CCDC18: variants seen among roughly 807,000 people sequenced by gnomAD.
CCDC18 encodes coiled-coil domain-containing protein 18.
In CCDC18, 157 loss-of-function variants were observed where a neutral mutation model predicts 196.0. The ratio of observed to expected loss-of-function variants is 0.80; its 90% confidence interval spans 0.70 to 0.91. The LOEUF (loss-of-function observed/expected upper bound fraction) is 0.91, where lower values mean the gene tolerates loss of function less well. Ranked by LOEUF, CCDC18 falls within the 40% of genes least tolerant of loss-of-function variation. CCDC18 has a pLI of 0.00. For synonymous variants in CCDC18, 482 were observed against 529.2 expected (o/e 0.91, Z 1.22); for missense variants, 1,465 against 1,611.6 (o/e 0.91, Z 1.56).
Position 93,239,376 on chromosome 1 carries a change from C to T in CCDC18, c.2670C>T (p.His890=), listed in dbSNP as rs904180384. ...CTAAAATGGAAAAGGAAATAATGCACCTAAAACGAGATGGAGAAAATAAAG... is the reference window on the plus strand; with the variant it reads ...CTAAAATGGAAAAGGAAATAATGCATCTAAAACGAGATGGAGAAAATAAAG... The part of the protein sequence containing the change: ...ELSKMEKEIM[H]LKRDGENKAM... Residue 890 remains histidine, a synonymous_variant, in exon 20 of 29, where the codon CAC becomes CAT. Transcript: ENST00000690025. The T allele has an allele frequency of 5.6e-6, 9 of 1,612,866 alleles. No homozygotes were observed. The highest frequency in any genetic ancestry group is 4.0e-5 in the African/African-American group (3 of 74,814).
At chr1:93,265,180 ATTTTT>A in intron 27 of CCDC18, among the ~76,000 whole-genome samples, 1 of 152,300 alleles carries the variant, frequency 6.6e-6, no homozygotes, top group African/African-American at 2.4e-5. Flanking sequence ...AGGTAGAAAC[ATTTTT>A]CAAAATCAGC....
At chr1:93,270,307 A>G in intron 27 of CCDC18, 40 bp from the exon 28 acceptor site, 1 of 1,193,886 alleles carries the variant, frequency 8.4e-7, no homozygotes, top group Non-Finnish European at 1.2e-6. Context: ...CATTTAACAA[A>G]AATGTATTGA....
At chr1:93,212,410 G>A (rs555316341) in intron 11 of CCDC18, 149 bp downstream of exon 11, 1 of 476,296 alleles carries the variant, frequency 2.1e-6, no homozygotes, top group South Asian at 4.1e-5. Flanking sequence ...GTGTCATGGA[G>A]GTTTGTTTTA....
In CCDC18 at chr1:93,190,859, G is replaced by A. The variant is rs1180401507; in HGVS notation, c.463-1141G>A. 5.1e-5 allele frequency: 37 copies of A among 727,188 alleles called. No individual in the cohort carries two copies. The Middle Eastern group carries it at 4.8e-3, about 93-fold the overall frequency. 45.0% of individuals were successfully genotyped at this position (727,188 alleles called of 1,614,324 possible). A position where few individuals can be genotyped will look rare whatever the true frequency, so the allele number is the denominator to read the frequency against. On this transcript the variant is annotated intron_variant, in intron 4 of 28. Coordinates refer to ENST00000690025, the MANE Select transcript of CCDC18 (RefSeq NM_001378204.1). ...TTGGGCTCAGTGCACTCAAGCCTTA[G>A]CACAATCTTCTTTGTAGTTTCAGCC...
chr1:93,270,439 A>G lies in CCDC18; in HGVS notation c.3978A>G (p.Thr1326=), dbSNP rs1380486394. 6.4e-6 allele frequency: 10 copies of G among 1,550,458 alleles called. No homozygotes were observed. Among genetic ancestry groups the G allele is most frequent in the South Asian group, 5.9e-5 (5 of 84,058 alleles). ...KFLPAPFTSP[T]EIMPDVQDPK... The stretch of plus-strand genomic sequence containing the variant: ...TGCCAGCCCCATTTACATCTCCAAC[A>G]GAAATTATGCCTGATGTTCAAGATC... The change falls in exon 28 of 29, where the codon ACA becomes ACG. Residue 1326 remains threonine, a synonymous_variant. Transcript: ENST00000690025.
intron 18 of CCDC18, among the ~76,000 whole-genome samples, chr1:93,234,122 T>G (rs1318847758): frequency 1.3e-5 from 2 of 151,658 alleles, no homozygotes; most frequent in Non-Finnish European, 2.9e-5. Context: ...TATGGTTTTT[T>G]CTGTTTTGTT....
intron 26 of CCDC18, 77 bp downstream of exon 26, chr1:93,258,962 C>A: frequency 8.4e-7 from 1 of 1,185,166 alleles, no homozygotes; most frequent in Non-Finnish European, 1.2e-6. Flanking sequence ...ATGAGTCCAG[C>A]TCTTAAGTGT....
chr1:93,260,338 C>T (rs756631923), intron 26 of CCDC18, among the ~76,000 whole-genome samples: 5 of 152,220 alleles, frequency 3.3e-5, no homozygotes, highest in East Asian at 1.9e-4. Flanking sequence ...AAGCCAAGAT[C>T]GCGCCATTGC....
At chr1:93,246,753 C>G in intron 22 of CCDC18, 85 bp from the exon 23 acceptor site, 1 of 676,970 alleles carries the variant, frequency 1.5e-6, no homozygotes, top group Non-Finnish European at 2.6e-6. Context: ...GTTATACTTG[C>G]TATAAACAAT....
chr1:93,212,341 ATT>A, intron 11 of CCDC18, 80 bp downstream of exon 11: 1 of 919,576 alleles, frequency 1.1e-6, no homozygotes, highest in Non-Finnish European at 1.5e-6. Flanking sequence ...TTTTATTTAA[ATT>A]TTTTTTTTAA....
intron 14 of CCDC18, among the ~76,000 whole-genome samples, 170 bp downstream of exon 14, chr1:93,218,039 A>G (rs1570406130): frequency 6.6e-6 from 1 of 152,214 alleles, no homozygotes; most frequent in East Asian, 1.9e-4. Flanking sequence ...TTAACAGAAT[A>G]TAGTATGCCT....
chr1:93,206,043 T>G (rs141543363), intron 8 of CCDC18, among the ~76,000 whole-genome samples: 1 of 152,206 alleles, frequency 6.6e-6, no homozygotes, highest in Non-Finnish European at 1.5e-5. Context: ...GTAGCCAGAA[T>G]TTACTGAAGG....
intron 26 of CCDC18, among the ~76,000 whole-genome samples, chr1:93,260,209 C>T (rs936214020): frequency 6.6e-6 from 1 of 152,096 alleles, no homozygotes; most frequent in African/African-American, 2.4e-5. Context: ...CATGGCAAAA[C>T]CCCGTCTCTA....
chr1:93,240,009 G>A (rs569795478), intron 21 of CCDC18, 113 bp downstream of exon 21: 45 of 760,308 alleles, frequency 5.9e-5, no homozygotes, highest in Middle Eastern at 3.8e-4. Flanking sequence ...GGCTCACTTT[G>A]GCTCATCCCA....
rs569253557 is a variant in CCDC18 at position 93,224,603 on chromosome 1, A to T, written c.2176-1730A>T. On this transcript the variant is annotated intron_variant, in intron 16 of 28. Transcript: ENST00000690025. ...CAAAATTTAAGGAGACACTCTCAGG[A>T]TTATATACCTTATTTAATTTGATGA... is the stretch of plus-strand genomic sequence containing the variant. Among the ~76,000 whole-genome samples, 14 of 152,300 alleles carry T rather than the reference A, an allele frequency of 9.2e-5. No individual in the cohort carries two copies. In the South Asian group the frequency reaches 2.9e-3, roughly 32 times the overall value.
In CCDC18 at chr1:93,278,285, G is replaced by A. The variant is rs10874766; in HGVS notation, c.4354-178G>A. 2.6e-5 allele frequency among the ~76,000 whole-genome samples: 4 copies of A among 151,970 alleles called. No homozygotes were observed. The East Asian group carries it at 5.8e-4, about 22-fold the overall frequency. On this transcript the variant is annotated intron_variant, in intron 28 of 28. Coordinates refer to ENST00000690025, the MANE Select transcript of CCDC18 (RefSeq NM_001378204.1). ...TTACAGGCAGTGAGCCACTGCACCC[G>A]GCCTGCATTTTATATTCATGTGGTT...
At position 93,229,309 on chromosome 1, in the gene CCDC18, C is replaced by T. The variant is rs140619440; in HGVS notation, c.2292+2860C>T. Among the ~76,000 whole-genome samples the T allele has an allele frequency of 5.3e-5, 8 of 152,300 alleles. No individual in the cohort carries two copies. The East Asian group carries it at 1.5e-3, about 29-fold the overall frequency. On this transcript the variant is annotated intron_variant, in intron 17 of 28. Transcript: ENST00000690025. ...CATGTTCATGTGTATTGATAAAAAA[C>T]GTGGAGAAGAATCCAAGTACTAACT... is the stretch of plus-strand genomic sequence containing the variant.
chr1:93,222,754 G>A (rs1319131999), intron 16 of CCDC18, among the ~76,000 whole-genome samples: 1 of 152,170 alleles, frequency 6.6e-6, no homozygotes, highest in Non-Finnish European at 1.5e-5. Context: ...TATATAAAGT[G>A]CTTAGCACAT....
In CCDC18 at chr1:93,191,653, A is replaced by G. The variant is rs188699728; in HGVS notation, c.463-347A>G. Among the ~76,000 whole-genome samples the G allele has an allele frequency of 4.4e-3, 669 of 152,296 alleles. 15 individuals carry two copies. Among genetic ancestry groups the G allele is most frequent in the Admixed American group, 0.034 (522 of 15,306 alleles). Reference sequence around the variant, plus strand: ...GGTTTTTAAATCATAAAAATTCAATAAATATTTTCTTTTATAATTGTTTAT... The same window carrying G: ...GGTTTTTAAATCATAAAAATTCAATGAATATTTTCTTTTATAATTGTTTAT... On this transcript the variant is annotated intron_variant, in intron 4 of 28. Coordinates refer to ENST00000690025, the MANE Select transcript of CCDC18 (RefSeq NM_001378204.1).
Sources: allele counts gnomAD v4.1 joint callset (sites outside exome capture counted in the v4.1 genomes callset), GRCh38; gene constraint gnomAD v4.1.1; transcripts MANE v1.5; gene names NCBI Gene and HGNC (gene_info 2026-07-23, HGNC 2026-07-21).